The following EXOC4 variants were observed in gnomAD, a reference collection of about 807,000 sequenced individuals.
The protein encoded by EXOC4 is SEC8-like 1.
Under a neutral mutation model 107.2 loss-of-function variants are expected in EXOC4, and 71 were observed. The observed-to-expected ratio is 0.66, with a 90% CI of 0.55 to 0.81. The LOEUF is 0.81. Among genes scored for constraint, EXOC4 ranks in the 30% least tolerant of loss-of-function variants. The probability of loss-of-function intolerance (pLI) is 0.00; values close to 1 mark genes in which losing one functional copy is unlikely to be tolerated. For missense variants in EXOC4, 1,108 were observed against 1,189.6 expected (o/e 0.93, Z 1.01); for synonymous variants, 456 against 441.2 (o/e 1.03, Z -0.42).
chr7:133,445,971 A>G (rs1798211118), intron 7 of EXOC4, among the ~76,000 whole-genome samples: 1 of 151,470 alleles, frequency 6.6e-6, no homozygotes, highest in African/African-American at 2.4e-5. Flanking sequence ...AGCCGAGATT[A>G]TAATACTGCA....
intron 14 of EXOC4, among the ~76,000 whole-genome samples, chr7:133,941,935 A>G (rs1800441150): frequency 1.3e-5 from 2 of 151,460 alleles, no homozygotes; most frequent in African/African-American, 2.4e-5. Context: ...GCTCTTTGTA[A>G]TGCCTGCTGT....
chr7:133,271,278 ACATT>A (rs1200913614), intron 1 of EXOC4, among the ~76,000 whole-genome samples: 3 of 152,078 alleles, frequency 2.0e-5, no homozygotes, highest in Non-Finnish European at 4.4e-5. Context: ...TCTCAGACAA[ACATT>A]TATTGTCTGA....
intron 11 of EXOC4, among the ~76,000 whole-genome samples, chr7:133,883,125 C>T (rs1379459441): frequency 6.6e-6 from 1 of 152,072 alleles, no homozygotes; most frequent in Non-Finnish European, 1.5e-5. Context: ...TTTTGAACTA[C>T]AATAATAACA....
intron 11 of EXOC4, among the ~76,000 whole-genome samples, chr7:133,850,634 A>ACCC (rs765233180): frequency 1.7e-3 from 247 of 147,746 alleles, no homozygotes; most frequent in African/African-American, 3.8e-3. Flanking sequence ...TATCTAGGTT[A>ACCC]CCCCCCCACA....
chr7:133,378,507 G>A (rs1796543036), intron 7 of EXOC4, among the ~76,000 whole-genome samples: 1 of 151,794 alleles, frequency 6.6e-6, no homozygotes, highest in Admixed American at 6.6e-5. Context: ...CAATCATAGT[G>A]TATGTGGGTT....
intron 11 of EXOC4, among the ~76,000 whole-genome samples, chr7:133,889,319 G>T (rs1799154795): frequency 6.6e-6 from 1 of 150,754 alleles, no homozygotes; most frequent in Admixed American, 6.6e-5. Flanking sequence ...GTCTTGGGAA[G>T]ACCAGCGCTG....
intron 9 of EXOC4, among the ~76,000 whole-genome samples, chr7:133,517,222 G>T (rs1181907775): frequency 6.6e-6 from 1 of 152,186 alleles, no homozygotes; most frequent in East Asian, 1.9e-4. Context: ...TGGGAAGGAG[G>T]ATTAGTTATG....
Position 134,007,850 on chromosome 7 carries a change from T to A in EXOC4, c.2687+15T>A. The A allele has an allele frequency of 6.2e-7, 1 of 1,604,408 alleles. No individual in the cohort carries two copies. The highest frequency in any genetic ancestry group is 8.5e-7 in the Non-Finnish European group (1 of 1,174,458). ...GACTTTGCAAGGTAGGAGGGAAAAC[T>A]GGGTTTAGTTTCTTATGCCAAAGCT... On this transcript the variant is annotated intron_variant, in intron 17 of 17. Transcript: ENST00000253861.
At chr7:133,745,944 T>A (rs1194320631) in intron 10 of EXOC4, among the ~76,000 whole-genome samples, 3 of 152,160 alleles carry the variant, frequency 2.0e-5, no homozygotes, top group Admixed American at 2.0e-4. Flanking sequence ...CTTACTTTTC[T>A]GTGTTTTTCA....
At chr7:133,839,604 G>A in intron 11 of EXOC4, among the ~76,000 whole-genome samples, 1 of 152,170 alleles carries the variant, frequency 6.6e-6, no homozygotes, top group East Asian at 1.9e-4. Context: ...GACCAAAGTT[G>A]ATACTCAAGT....
At chr7:133,585,245 G>A (rs1446715037) in intron 9 of EXOC4, among the ~76,000 whole-genome samples, 1 of 152,184 alleles carries the variant, frequency 6.6e-6, no homozygotes, top group African/African-American at 2.4e-5. Flanking sequence ...TGTGTTATCT[G>A]TGTAACTTCA....
intron 10 of EXOC4, among the ~76,000 whole-genome samples, chr7:133,764,377 C>T (rs1411029762): frequency 1.3e-5 from 2 of 151,972 alleles, no homozygotes; most frequent in Non-Finnish European, 2.9e-5. Flanking sequence ...TGAAGTCCTC[C>T]TTTCTCTTCC....
chr7:133,661,698 AAAAAAC>A (rs1793687955), intron 10 of EXOC4, among the ~76,000 whole-genome samples: 1 of 150,698 alleles, frequency 6.6e-6, no homozygotes, highest in African/African-American at 2.4e-5. Flanking sequence ...ACAAAAAAAA[AAAAAAC>A]AAGAATTTTG....
intron 7 of EXOC4, among the ~76,000 whole-genome samples, chr7:133,432,767 CT>C (rs1246573532): frequency 6.6e-6 from 1 of 152,166 alleles, no homozygotes; most frequent in Non-Finnish European, 1.5e-5. Context: ...AGTTGGAAAC[CT>C]TGGTATGATC....
In EXOC4 at chr7:133,353,029, A is replaced by G. The variant is rs143980910; in HGVS notation, c.764-3301A>G. ...AACTAGTAATTCTTTTAAATGCATT[A>G]GCCTCTTAAATGATGTAAAAAACAA... On this transcript the variant is annotated intron_variant, in intron 5 of 17. Coordinates refer to ENST00000253861, the MANE Select transcript of EXOC4 (RefSeq NM_021807.4). 3.6e-3 allele frequency among the ~76,000 whole-genome samples: 555 copies of G among 152,250 alleles called. 3 individuals carry two copies. Among genetic ancestry groups the G allele is most frequent in the African/African-American group, 0.013 (526 of 41,578 alleles).
At chr7:133,439,358 T>C (rs1207727408) in intron 7 of EXOC4, among the ~76,000 whole-genome samples, 1 of 151,828 alleles carries the variant, frequency 6.6e-6, no homozygotes, top group East Asian at 1.9e-4. Flanking sequence ...CTAATTTTTG[T>C]ATTTTTAGTA....
At chr7:133,708,662 C>T (rs1262512894) in intron 10 of EXOC4, among the ~76,000 whole-genome samples, 2 of 152,116 alleles carry the variant, frequency 1.3e-5, no homozygotes, top group Non-Finnish European at 2.9e-5. Context: ...ATCATTATTT[C>T]CCATTTAAAG....
the EXOC4 span, among the ~76,000 whole-genome samples, chr7:134,091,442 T>A: frequency 6.6e-6 from 1 of 152,224 alleles, no homozygotes; most frequent in East Asian, 1.9e-4. Flanking sequence ...TTTTGGTAGG[T>A]TTTAGTCGGC....
At chr7:133,639,821 A>G (rs781378228) in intron 10 of EXOC4, among the ~76,000 whole-genome samples, 3 of 152,110 alleles carry the variant, frequency 2.0e-5, no homozygotes, top group Non-Finnish European at 4.4e-5. Flanking sequence ...CTCGATGAGC[A>G]TTCTTCAAAG....
Sources: allele counts gnomAD v4.1 joint callset (sites outside exome capture counted in the v4.1 genomes callset), GRCh38; gene constraint gnomAD v4.1.1; transcripts MANE v1.5; gene names NCBI Gene and HGNC (gene_info 2026-07-23, HGNC 2026-07-21).